The following CSMD1 variants were observed in gnomAD, a reference collection of about 807,000 sequenced individuals.
The protein encoded by CSMD1 is CUB and sushi domain-containing protein 1.
CSMD1 carries 213 observed loss-of-function variants against 417.5 expected under a neutral mutation model. The observed-to-expected ratio is 0.51, with a 90% confidence interval of 0.46 to 0.57. The LOEUF (loss-of-function observed/expected upper bound fraction) is 0.57. Ranked by LOEUF, CSMD1 falls within the 20% of genes least tolerant of loss-of-function variation. CSMD1 has a pLI of 0.00. For missense variants in CSMD1, 6,923 were observed against 4,529.7 expected, an observed-to-expected ratio of 1.53 and a Z score of -15.17; for synonymous variants, 2,862 against 1,736.8, an observed-to-expected ratio of 1.65 and a Z score of -16.11.
At chr8:3,450,194 T>C (rs919187172) in intron 12 of CSMD1, among the ~76,000 whole-genome samples, 11 of 152,202 alleles carry the variant, frequency 7.2e-5, no homozygotes, top group Non-Finnish European at 1.6e-4. Flanking sequence ...CAGCCTCTGA[T>C]AAGATGGGCC....
At chr8:4,076,750 G>A (rs920900189) in intron 3 of CSMD1, among the ~76,000 whole-genome samples, 2 of 152,238 alleles carry the variant, frequency 1.3e-5, no homozygotes, top group South Asian at 2.1e-4. Context: ...CCACCCTGGG[G>A]AATGACCTCA....
At chr8:4,082,165 C>T (rs1418498796) in intron 3 of CSMD1, among the ~76,000 whole-genome samples, 1 of 152,146 alleles carries the variant, frequency 6.6e-6, no homozygotes, top group African/African-American at 2.4e-5. Context: ...ATCCTAAGGA[C>T]ATTAAAGAGC....
At chr8:4,591,178 A>G (rs922071506) in intron 2 of CSMD1, among the ~76,000 whole-genome samples, 4 of 152,228 alleles carry the variant, frequency 2.6e-5, no homozygotes, top group Admixed American at 6.5e-5. Flanking sequence ...TGTTTACAAC[A>G]TATTATTAGG....
chr8:4,162,877 A>G (rs1162989818), intron 3 of CSMD1, among the ~76,000 whole-genome samples: 1 of 152,160 alleles, frequency 6.6e-6, no homozygotes, highest in Non-Finnish European at 1.5e-5. Flanking sequence ...TCCCCGCCCT[A>G]AAAATTTCCC....
At position 4,855,635 on chromosome 8, in the gene CSMD1, A is replaced by C. The variant is rs59346276; in HGVS notation, c.85+138697T>G. On this transcript the variant is annotated intron_variant, in intron 1 of 69. Coordinates refer to ENST00000635120, the MANE Select transcript of CSMD1 (RefSeq NM_033225.6). ...GAAGAATGCAGAAGCCTCTGGAGCC[A>C]ATGCAATCAACTGGAAGATAGGGTA... 9.4e-3 allele frequency among the ~76,000 whole-genome samples: 1,439 copies of C among 152,336 alleles called. 19 individuals are homozygous for C. Among genetic ancestry groups the C allele is most frequent in the African/African-American group, 0.032 (1,331 of 41,564 alleles).
At chr8:4,445,852 C>A (rs1229648010) in intron 2 of CSMD1, among the ~76,000 whole-genome samples, 1 of 152,166 alleles carries the variant, frequency 6.6e-6, no homozygotes, top group East Asian at 1.9e-4. Flanking sequence ...ATCTTCAATG[C>A]AGAAGTGTTC....
chr8:4,645,176 G>A (rs911796827), intron 1 of CSMD1, among the ~76,000 whole-genome samples: 1 of 152,010 alleles, frequency 6.6e-6, no homozygotes, highest in Non-Finnish European at 1.5e-5. Context: ...CTGTTCCTAT[G>A]GACGTTGGCA....
chr8:3,562,736 G>T (rs1255074925), intron 10 of CSMD1, among the ~76,000 whole-genome samples: 1 of 150,846 alleles, frequency 6.6e-6, no homozygotes, highest in African/African-American at 2.4e-5. Flanking sequence ...ACAACTGATT[G>T]GTTAAAAATA....
At chr8:3,094,261 G>A (rs1255734818) in intron 47 of CSMD1, among the ~76,000 whole-genome samples, 3 of 151,784 alleles carry the variant, frequency 2.0e-5, no homozygotes, top group Non-Finnish European at 2.9e-5. Flanking sequence ...GCCTGCCACC[G>A]CGCCCAGCTA....
Position 2,978,594 on chromosome 8 carries a change from G to C in CSMD1, c.8566+18C>G, listed in dbSNP as rs773857672. 7 of 1,561,434 alleles carry C rather than the reference G, an allele frequency of 4.5e-6. No homozygotes were observed. The highest frequency in any genetic ancestry group is 3.5e-6 in the Non-Finnish European group (4 of 1,152,820). On this transcript the variant is annotated intron_variant, in intron 55 of 69. Transcript: ENST00000635120. ...TGCAGGGGTCTCTGCACAGAAATTG[G>C]GAATAACCCTGACTTACCCAAACAC...
chr8:4,182,786 A>C (rs758999338), intron 3 of CSMD1, among the ~76,000 whole-genome samples: 2 of 152,158 alleles, frequency 1.3e-5, no homozygotes, highest in African/African-American at 2.4e-5. Context: ...TAGTTAAATG[A>C]AGTGAAGGGA....
intron 1 of CSMD1, among the ~76,000 whole-genome samples, chr8:4,776,397 G>C (rs1173726572): frequency 1.3e-5 from 2 of 152,082 alleles, no homozygotes; most frequent in Non-Finnish European, 2.9e-5. Context: ...CGTTAACTCA[G>C]GTTATTCTTA....
chr8:3,456,881 A>G (rs1253954463), intron 12 of CSMD1, among the ~76,000 whole-genome samples: 1 of 152,050 alleles, frequency 6.6e-6, no homozygotes, highest in Non-Finnish European at 1.5e-5. Flanking sequence ...AAGCTCTAGC[A>G]CTGCACTATC....
At chr8:3,986,825 G>C (rs560802222) in intron 5 of CSMD1, among the ~76,000 whole-genome samples, 6 of 151,866 alleles carry the variant, frequency 4.0e-5, no homozygotes, top group African/African-American at 9.7e-5. Flanking sequence ...ATGCGATCTC[G>C]GCTCACTGCA....
At chr8:4,980,965 C>T (rs1439446752) in intron 1 of CSMD1, among the ~76,000 whole-genome samples, 1 of 151,844 alleles carries the variant, frequency 6.6e-6, no homozygotes, top group African/African-American at 2.4e-5. Flanking sequence ...GTATGAGCAA[C>T]TTGTCCTTTT....
intron 1 of CSMD1, among the ~76,000 whole-genome samples, chr8:4,944,135 G>T (rs1430654554): frequency 3.3e-5 from 5 of 152,262 alleles, no homozygotes; most frequent in African/African-American, 9.6e-5. Flanking sequence ...TGAGTTTTAG[G>T]CATCTGAATA....
intron 5 of CSMD1, among the ~76,000 whole-genome samples, chr8:3,767,077 T>G (rs530591336): frequency 6.6e-6 from 1 of 152,352 alleles, no homozygotes; most frequent in South Asian, 2.1e-4. Flanking sequence ...GCCTGCCTCC[T>G]GCAGACCCAC....
intron 62 of CSMD1, among the ~76,000 whole-genome samples, chr8:2,958,613 T>C (rs567962170): frequency 1.5e-3 from 222 of 152,348 alleles, no homozygotes; most frequent in Non-Finnish European, 2.5e-3. Flanking sequence ...GTTCTGTGTA[T>C]CTGCAGCATG....
At chr8:4,824,897 G>C (rs1479258812) in intron 1 of CSMD1, among the ~76,000 whole-genome samples, 1 of 152,072 alleles carries the variant, frequency 6.6e-6, no homozygotes, top group Non-Finnish European at 1.5e-5. Context: ...AGGGTAATGG[G>C]CTGTTACTGC....
Sources: gnomAD v4.1 joint callset for allele counts (sites outside exome capture counted in the v4.1 genomes callset) on GRCh38, gnomAD v4.1.1 for gene constraint, MANE v1.5 for transcripts, NCBI Gene and HGNC (gene_info 2026-07-23, HGNC 2026-07-21) for gene names.